Variants in KIF3C observed in about 807,000 individuals in gnomAD.
The protein encoded by KIF3C is kinesin family member 3C, also known as kinesin-like protein KIF3C.
KIF3C carries 12 observed loss-of-function variants against 67.7 expected under a neutral mutation model. That is an observed-to-expected ratio of 0.18 (90% CI 0.11 to 0.29). KIF3C has a LOEUF of 0.29. Among genes scored for constraint, KIF3C ranks in the 10% least tolerant of loss-of-function variants. The pLI is 1.00. For synonymous variants in KIF3C, 393 were observed against 426.2 expected, an observed-to-expected ratio of 0.92 and a Z score of 0.96; for missense variants, 789 against 1,059.6, an observed-to-expected ratio of 0.74 and a Z score of 3.55.
In KIF3C at chr2:25,981,113, A is replaced by T; in HGVS notation, c.805T>A (p.Ser269Thr). 1 of 1,614,038 alleles carries T rather than the reference A, an allele frequency of 6.2e-7. No homozygotes were observed. Among genetic ancestry groups the T allele is most frequent in the Non-Finnish European group, 8.5e-7 (1 of 1,180,008 alleles). Residue 269 changes from serine to threonine, a missense_variant, in exon 1 of 8, where the codon TCG becomes ACG. Physicochemically the swap from Ser to Thr is moderately conservative, Grantham distance 58. This residue lies in a region of KIF3C where 648 missense variants were observed against 807.8 expected (regional missense o/e 0.80). Transcript: ENST00000264712. This position sits in a 1 kb window ranked among gnomAD's most constrained non-coding sequence, Gnocchi z 8.2. ...CCTCCACCGCCACCACCGCCACCCG[A>T]GGATGGTGTGGCTGCCCCTCCCGCT... ...NTAGGAATPS[S>T]GGGGGGGGSG... is the part of the protein sequence containing the mutation.
intron 1 of KIF3C, among the ~76,000 whole-genome samples, chr2:25,965,394 T>C (rs1334973457): frequency 6.6e-6 from 1 of 152,268 alleles, no homozygotes; most frequent in East Asian, 1.9e-4. Flanking sequence ...TAGAAATAGA[T>C]TTTTTTCCTT....
rs1349294183 is a variant in KIF3C, at chr2:25,953,672, G to T, written c.1889+595C>A. Reference sequence around the variant, plus strand: ...ACTGCGCCCGGCCTTTTTTGTTTTTGTTTTTTTTTTTTTTTTGAGACGTTG... The same window carrying T: ...ACTGCGCCCGGCCTTTTTTGTTTTTTTTTTTTTTTTTTTTTTGAGACGTTG... On this transcript the variant is annotated intron_variant, in intron 4 of 7. Coordinates refer to ENST00000264712, the MANE Select transcript of KIF3C (RefSeq NM_002254.8). Among the ~76,000 whole-genome samples the T allele has an allele frequency of 3.2e-3, 314 of 99,578 alleles. 2 individuals carry two copies. Among genetic ancestry groups the T allele is most frequent in the Middle Eastern group, 9.3e-3 (1 of 108 alleles). The allele number at this position is 99,578 out of a possible 152,430, so 65.3% of individuals were successfully genotyped here.
chr2:25,934,189 A>T, intron 5 of KIF3C: 1 of 470,978 alleles, frequency 2.1e-6, no homozygotes, highest in Non-Finnish European at 4.4e-6. Context: ...AACAGAAAGT[A>T]GATTGGCAGT....
At chr2:25,952,446 C>T (rs896815552) in intron 4 of KIF3C, among the ~76,000 whole-genome samples, 9 of 151,588 alleles carry the variant, frequency 5.9e-5, no homozygotes, top group South Asian at 2.1e-4. Flanking sequence ...AACAGGTACA[C>T]AAAATTAGAA....
intron 5 of KIF3C, among the ~76,000 whole-genome samples, chr2:25,938,658 C>T (rs916686076): frequency 1.3e-5 from 2 of 152,060 alleles, no homozygotes; most frequent in Non-Finnish European, 2.9e-5. Flanking sequence ...ATTGGGGCAC[C>T]GACCTTCCCA....
chr2:25,950,275 T>A (rs1237656583), intron 5 of KIF3C, among the ~76,000 whole-genome samples: 1 of 149,248 alleles, frequency 6.7e-6, no homozygotes, highest in Non-Finnish European at 1.5e-5. Flanking sequence ...TGGAGCGCAA[T>A]GGAGTGATCT....
intron 1 of KIF3C, among the ~76,000 whole-genome samples, chr2:25,962,992 T>C (rs1442743705): frequency 1.4e-4 from 6 of 42,946 alleles, no homozygotes; most frequent in Non-Finnish European, 1.7e-4. Flanking sequence ...ATATATAATA[T>C]ATATAATATA....
In KIF3C at chr2:25,981,369, G is replaced by C. The variant is rs779405761; in HGVS notation, c.549C>G (p.Phe183Leu). The C allele has an allele frequency of 6.2e-6, 10 of 1,614,176 alleles. No homozygotes were observed. Among genetic ancestry groups the C allele is most frequent in the Non-Finnish European group, 8.5e-6 (10 of 1,180,038 alleles). The change falls in exon 1 of 8, where the codon TTC becomes TTG. Residue 183 changes from phenylalanine (F) to leucine (L), a missense_variant. Coordinates refer to ENST00000264712, the MANE Select transcript of KIF3C (RefSeq NM_002254.8). The surrounding 1 kb of genome is among the most constrained non-coding windows in gnomAD (Gnocchi z 8.2). ...TGVYIKDLSSFVTKNVKEIEH... is the reference protein window; with the variant it reads ...TGVYIKDLSSLVTKNVKEIEH... ...CAATCTCCTTGACATTCTTGGTGAC[G>C]AAGGAGGAGAGGTCCTTGATGTAGA...
chr2:25,972,375 C>T (rs1664305821), intron 1 of KIF3C, among the ~76,000 whole-genome samples: 1 of 152,140 alleles, frequency 6.6e-6, no homozygotes, highest in South Asian at 2.1e-4. Context: ...ATACTTCCCA[C>T]TAGTCAAATC....
At chr2:25,951,708 A>G in intron 5 of KIF3C, 81 bp downstream of exon 5, 1 of 851,254 alleles carries the variant, frequency 1.2e-6, no homozygotes, top group Non-Finnish European at 1.9e-6. Context: ...CCCTGCAGGC[A>G]AGGCCTCAGG....
rs1024035524 is a variant in KIF3C at position 25,978,443 on chromosome 2, C to T, written c.1545+1930G>A. On this transcript the variant is annotated intron_variant, in intron 1 of 7. Coordinates refer to ENST00000264712, the MANE Select transcript of KIF3C (RefSeq NM_002254.8). ...CTGGGCTCTTCCATATATAAAGGGGCTAGGCTCTCCTCAACTCACCTGTGT... is the reference window on the plus strand; with the variant it reads ...CTGGGCTCTTCCATATATAAAGGGGTTAGGCTCTCCTCAACTCACCTGTGT... 2.6e-5 allele frequency among the ~76,000 whole-genome samples: 4 copies of T among 152,142 alleles called. No individual in the cohort carries two copies. The East Asian group carries it at 7.7e-4, about 29-fold the overall frequency.
intron 1 of KIF3C, among the ~76,000 whole-genome samples, chr2:25,962,960 T>TATATAATATATATAATATATA (rs1664018686): frequency 6.3e-5 from 2 of 31,998 alleles, no homozygotes; most frequent in African/African-American, 4.8e-4. Context: ...TAATATATAA[T>TATATAATATATATAATATATA]ATATATAATA....
At chr2:25,976,346 G>A (rs991679766) in intron 1 of KIF3C, among the ~76,000 whole-genome samples, 7 of 152,118 alleles carry the variant, frequency 4.6e-5, no homozygotes, top group South Asian at 2.1e-4. Context: ...GATCACATCC[G>A]ATGCTGTTGT....
Position 25,980,625 on chromosome 2 carries a change from C to T in KIF3C, c.1293G>A (p.Val431=). 3 of 1,614,066 alleles carry T rather than the reference C, an allele frequency of 1.9e-6. No homozygotes were observed. Among genetic ancestry groups the T allele is most frequent in the Non-Finnish European group, 2.5e-6 (3 of 1,180,040 alleles). ...YPEGPVIEAW[V]AEEEDDNNNN... ...TGTTGTTGTCATCCTCCTCTTCTGCCACCCAGGCCTCAATCACTGGGCCCT... is the reference window on the plus strand; with the variant it reads ...TGTTGTTGTCATCCTCCTCTTCTGCTACCCAGGCCTCAATCACTGGGCCCT... The change falls in exon 1 of 8, where the codon GTG becomes GTA. Residue 431 remains valine (V), a synonymous_variant. Coordinates refer to ENST00000264712, the MANE Select transcript of KIF3C (RefSeq NM_002254.8). This position sits in a 1 kb window ranked among gnomAD's most constrained non-coding sequence, Gnocchi z 7.6.
chr2:25,976,201 C>T (rs994846310), intron 1 of KIF3C, among the ~76,000 whole-genome samples: 1 of 152,136 alleles, frequency 6.6e-6, no homozygotes, highest in Non-Finnish European at 1.5e-5. Flanking sequence ...CAACACAGTT[C>T]GCATTCCTCC....
chr2:25,958,355 C>T lies in KIF3C; in HGVS notation c.1546-1911G>A, dbSNP rs990518162. Among the ~76,000 whole-genome samples the T allele has an allele frequency of 3.9e-5, 6 of 152,014 alleles. No individual in the cohort carries two copies. Among genetic ancestry groups the T allele is most frequent in the Non-Finnish European group, 5.9e-5 (4 of 67,998 alleles). The stretch of plus-strand genomic sequence containing the variant: ...CAGCACTTTGGGAAGTTGAGGTGGG[C>T]GGATCATCTGAGGTCAGGAGTTCGA... On this transcript the variant is annotated intron_variant, in intron 1 of 7. Coordinates refer to ENST00000264712, the MANE Select transcript of KIF3C (RefSeq NM_002254.8). This position sits in a 1 kb window ranked among gnomAD's most constrained non-coding sequence, Gnocchi z 4.5.
In KIF3C at chr2:25,927,870, C is replaced by A. The variant is rs994532684; in HGVS notation, c.*1108G>T. The A allele has an allele frequency of 1.3e-5, 2 of 152,488 alleles. No homozygotes were observed. Among genetic ancestry groups the A allele is most frequent in the Non-Finnish European group, 2.9e-5 (2 of 68,030 alleles). The allele number at this position is 152,488 out of a possible 1,614,324, so 9.4% of individuals were successfully genotyped here. A position where few individuals can be genotyped will look rare whatever the true frequency, so the allele number is the denominator to read the frequency against. ...AAGGTAAGGAGTATCCCCCTAGGAA[C>A]CAATTTGCGTAACTAGTGAATAAAG... is the stretch of plus-strand genomic sequence containing the variant. On this transcript the variant is annotated 3_prime_UTR_variant, in exon 8 of 8. Coordinates refer to ENST00000264712, the MANE Select transcript of KIF3C (RefSeq NM_002254.8).
At position 25,980,838 on chromosome 2, in the gene KIF3C, G is replaced by A; in HGVS notation, c.1080C>T (p.Asn360=). 6.2e-7 allele frequency: 1 copy of A among 1,614,204 alleles called. No individual in the cohort carries two copies. Among genetic ancestry groups the A allele is most frequent in the Non-Finnish European group, 8.5e-7 (1 of 1,180,036 alleles). The change falls in exon 1 of 8, where the codon AAC becomes AAT. Residue 360 remains asparagine, a synonymous_variant. Transcript: ENST00000264712. This position sits in a 1 kb window ranked among gnomAD's most constrained non-coding sequence, Gnocchi z 7.6. ...GCTTGTTCTTGATGTTCTTGGCTCG[G>A]TTGGCAAAGCGCAAGGTGGAGAGGC... ...DESLSTLRFA[N]RAKNIKNKPR...
chr2:25,966,715 T>C (rs1559556489), intron 1 of KIF3C, among the ~76,000 whole-genome samples: 1 of 152,140 alleles, frequency 6.6e-6, no homozygotes, highest in Non-Finnish European at 1.5e-5. Flanking sequence ...TAGCATCAAG[T>C]ATGATTTTAC....
Sources: allele counts gnomAD v4.1 joint callset (sites outside exome capture counted in the v4.1 genomes callset), GRCh38; gene constraint gnomAD v4.1.1; regional missense constraint gnomAD v4.1.1; non-coding constraint Gnocchi (gnomAD v3.1); transcripts MANE v1.5; gene names NCBI Gene and HGNC (gene_info 2026-07-23, HGNC 2026-07-21).